The following ATXN7 variants were observed in gnomAD, a reference collection of about 807,000 sequenced individuals.
ATXN7 encodes ataxin 7.
A neutral mutation model predicts 70.5 loss-of-function variants in ATXN7; 12 were observed. That is an observed-to-expected ratio of 0.17 (90% confidence interval 0.11 to 0.28). The LOEUF is 0.28. Among genes scored for constraint, ATXN7 ranks in the 10% least tolerant of loss-of-function variants. ATXN7 has a pLI of 1.00. For synonymous variants in ATXN7, 498 were observed against 448.7 expected, an observed-to-expected ratio of 1.11 and a Z score of -1.39; for missense variants, 1,256 against 1,131.7, an observed-to-expected ratio of 1.11 and a Z score of -1.58.
intron 1 of ATXN7, among the ~76,000 whole-genome samples, chr3:63,872,474 C>T (rs550522857): frequency 6.6e-6 from 1 of 152,248 alleles, no homozygotes; most frequent in Admixed American, 6.5e-5. Flanking sequence ...CTTCTAGCAG[C>T]CTAGATCAAA....
chr3:63,930,201 A>T (rs61503685), intron 4 of ATXN7, among the ~76,000 whole-genome samples: 1 of 152,302 alleles, frequency 6.6e-6, no homozygotes, highest in East Asian at 1.9e-4. Context: ...CCCTGTTCAG[A>T]GACAGATTTT....
Position 63,903,595 on chromosome 3 carries a change from A to G in ATXN7, c.-12+5098A>G, listed in dbSNP as rs1703730498. 3 of 152,226 alleles carry G rather than the reference A, an allele frequency of 2.0e-5. No homozygotes were observed. In the South Asian group the frequency reaches 6.2e-4, roughly 32 times the overall value. 9.4% of individuals were successfully genotyped at this position (152,226 alleles called of 1,614,324 possible). On this transcript the variant is annotated intron_variant, in intron 2 of 12. Transcript: ENST00000674280. ...ATGAATTGTTATAAAATGTGAAAGT[A>G]GCTAACACACTGAGCACTTAATATG...
chr3:63,868,023 A>G (rs933249128), intron 1 of ATXN7, among the ~76,000 whole-genome samples: 22 of 152,356 alleles, frequency 1.4e-4, no homozygotes, highest in Admixed American at 1.3e-3. Context: ...CTAGTCCTGC[A>G]TGTACTGTGG....
intron 1 of ATXN7, among the ~76,000 whole-genome samples, chr3:63,869,434 G>T (rs1391683467): frequency 2.0e-5 from 3 of 150,794 alleles, no homozygotes; most frequent in African/African-American, 7.3e-5. Flanking sequence ...TTTTCTTTTT[G>T]TTTTTTTTTG....
chr3:63,939,780 G>A (rs1042404884), intron 4 of ATXN7, among the ~76,000 whole-genome samples: 1 of 152,132 alleles, frequency 6.6e-6, no homozygotes, highest in African/African-American at 2.4e-5. Flanking sequence ...AACTAGGGTA[G>A]CCGTGAAAGC....
intron 4 of ATXN7, among the ~76,000 whole-genome samples, chr3:63,927,553 G>C (rs1704766656): frequency 1.3e-5 from 2 of 152,124 alleles, no homozygotes; most frequent in South Asian, 4.1e-4. Flanking sequence ...CCAGTGTCCT[G>C]GTATTCTTTT....
chr3:63,954,083 A>G (rs148898285), intron 5 of ATXN7, among the ~76,000 whole-genome samples: 4 of 152,224 alleles, frequency 2.6e-5, no homozygotes, highest in Admixed American at 6.5e-5. Context: ...CCATAAAAAG[A>G]TTCTTTGAGT....
intron 5 of ATXN7, among the ~76,000 whole-genome samples, chr3:63,958,131 G>GA (rs1409093487): frequency 2.0e-5 from 3 of 152,120 alleles, no homozygotes; most frequent in African/African-American, 7.2e-5. Flanking sequence ...AGTTTTAGTA[G>GA]AAACACTCCT....
intron 4 of ATXN7, among the ~76,000 whole-genome samples, chr3:63,936,912 A>G (rs540590333): frequency 2.0e-5 from 3 of 152,164 alleles, no homozygotes; most frequent in South Asian, 2.1e-4. Context: ...ATTCAAGCTT[A>G]TAGTAAAGAA....
Position 63,982,310 on chromosome 3 carries a change from C to T in ATXN7, c.877C>T (p.Pro293Ser), listed in dbSNP as rs778724737. ...SSLVKPGLNC[P>S]SIPKPTLPSP... ...CTTAGTCAAGCCTGGCCTTAACTGC[C>T]CCTCAATACCAAAGCCAACCTTGCC... is the stretch of plus-strand genomic sequence containing the variant. The change falls in exon 7 of 13, where the codon CCC (proline) becomes TCC (serine). Residue 293 changes from proline (P) to serine (S), a missense_variant. By Grantham distance (74) the Pro-to-Ser change is moderately conservative. Coordinates refer to ENST00000674280, the MANE Select transcript of ATXN7 (RefSeq NM_001377405.1). 5 of 1,614,036 alleles carry T rather than the reference C, an allele frequency of 3.1e-6. No individual in the cohort carries two copies. Among genetic ancestry groups the T allele is most frequent in the Non-Finnish European group, 4.2e-6 (5 of 1,180,042 alleles).
At chr3:63,981,150 A>G (rs1245131205) in intron 6 of ATXN7, among the ~76,000 whole-genome samples, 1 of 152,218 alleles carries the variant, frequency 6.6e-6, no homozygotes, top group Non-Finnish European at 1.5e-5. Context: ...CTGCTGCTGC[A>G]TAAGGACCTT....
chr3:63,912,984 C>T, intron 3 of ATXN7, 61 bp downstream of exon 3: 2 of 1,378,724 alleles, frequency 1.5e-6, no homozygotes, highest in Middle Eastern at 2.7e-4. Context: ...CTCTCCTCCC[C>T]TCCCCCCTGC....
chr3:64,002,323 G>A lies in ATXN7; in HGVS notation c.*2856G>A, dbSNP rs2106821504. On this transcript the variant is annotated 3_prime_UTR_variant, in exon 13 of 13. Coordinates refer to ENST00000674280, the MANE Select transcript of ATXN7 (RefSeq NM_001377405.1). ...ACCTGCCTCCTTTACAGTTTTAAGG[G>A]ATGCCTCTGTTCTGTGAAAAGTCTT... 6.6e-6 allele frequency: 1 copy of A among 152,544 alleles called. No individual in the cohort carries two copies. Among genetic ancestry groups the A allele is most frequent in the East Asian group, 1.9e-4 (1 of 5,168 alleles). 9.4% of individuals were successfully genotyped at this position (152,544 alleles called of 1,614,324 possible). A position where few individuals can be genotyped will look rare whatever the true frequency, so the allele number is the denominator to read the frequency against.
intron 1 of ATXN7, among the ~76,000 whole-genome samples, chr3:63,890,942 G>A (rs1456554636): frequency 6.6e-6 from 1 of 152,054 alleles, no homozygotes; most frequent in Non-Finnish European, 1.5e-5. Context: ...AGCCAGAGAG[G>A]TTTGTATGGG....
chr3:63,928,029 C>T (rs1166302548), intron 4 of ATXN7, among the ~76,000 whole-genome samples: 1 of 152,228 alleles, frequency 6.6e-6, no homozygotes, highest in South Asian at 2.1e-4. Flanking sequence ...GTTGTAGTTA[C>T]GCTAGGGTAA....
rs1184217765 is a variant in ATXN7 at position 64,000,327 on chromosome 3, A to G, written c.*860A>G. 6.6e-6 allele frequency: 1 copy of G among 152,316 alleles called. No individual in the cohort carries two copies. The highest frequency in any genetic ancestry group is 2.4e-5 in the African/African-American group (1 of 41,286). 9.4% of individuals were successfully genotyped at this position (152,316 alleles called of 1,614,324 possible). On this transcript the variant is annotated 3_prime_UTR_variant, in exon 13 of 13. Coordinates refer to ENST00000674280, the MANE Select transcript of ATXN7 (RefSeq NM_001377405.1). ...AAGTTAAAATCACTATAGGGAGAAA[A>G]AACTTTTTTCAAGATTTCCAAAGAG...
intron 1 of ATXN7, among the ~76,000 whole-genome samples, chr3:63,895,401 T>A (rs1703410879): frequency 6.6e-6 from 1 of 152,198 alleles, no homozygotes; most frequent in Admixed American, 6.5e-5. Flanking sequence ...TGATGGGGTG[T>A]TTCTGAACCC....
chr3:63,910,586 C>T (rs1210851416), intron 2 of ATXN7, among the ~76,000 whole-genome samples: 1 of 152,156 alleles, frequency 6.6e-6, no homozygotes, highest in Non-Finnish European at 1.5e-5. Flanking sequence ...TAGAAGGGAA[C>T]TCTATTCCTG....
chr3:63,937,255 C>T (rs536818526), intron 4 of ATXN7, among the ~76,000 whole-genome samples: 1 of 152,160 alleles, frequency 6.6e-6, no homozygotes, highest in African/African-American at 2.4e-5. Context: ...AGACCAAAGG[C>T]TTAGTAGGGG....
Sources: allele counts gnomAD v4.1 joint callset (sites outside exome capture counted in the v4.1 genomes callset), GRCh38; gene constraint gnomAD v4.1.1; transcripts MANE v1.5; gene names NCBI Gene and HGNC (gene_info 2026-07-23, HGNC 2026-07-21).